The following SMYD3 variants were observed in gnomAD, a reference collection of about 807,000 sequenced individuals.
The protein encoded by SMYD3 is histone-lysine N-methyltransferase SMYD3.
A neutral mutation model predicts 57.7 loss-of-function variants in SMYD3; 36 were observed. The observed-to-expected ratio is 0.62, with a 90% CI of 0.48 to 0.82. The LOEUF (loss-of-function observed/expected upper bound fraction) is 0.82. Among genes scored for constraint, SMYD3 ranks in the 40% least tolerant of loss-of-function variants. The probability of loss-of-function intolerance (pLI) is 0.00; values close to 1 mark genes in which losing one functional copy is unlikely to be tolerated. For missense variants in SMYD3, 515 were observed against 538.8 expected (o/e 0.96, Z 0.44); for synonymous variants, 211 against 195.0 (o/e 1.08, Z -0.68).
At chr1:245,816,743 C>A (rs1180402902) in intron 10 of SMYD3, among the ~76,000 whole-genome samples, 13 of 152,088 alleles carry the variant, frequency 8.5e-5, no homozygotes, top group East Asian at 1.9e-4. Context: ...CGGGAAGCGC[C>A]AGGGGTCAGG....
At chr1:245,877,312 G>T (rs1027405272) in intron 8 of SMYD3, among the ~76,000 whole-genome samples, 2 of 152,236 alleles carry the variant, frequency 1.3e-5, no homozygotes, top group Non-Finnish European at 2.9e-5. Context: ...GGTTCATCGG[G>T]GGAAAGGGGT....
Position 246,030,051 on chromosome 1 carries a change from C to T in SMYD3, c.532-100114G>A, listed in dbSNP as rs191239736. 1.5e-4 allele frequency among the ~76,000 whole-genome samples: 22 copies of T among 148,866 alleles called. No homozygotes were observed. The East Asian group carries it at 2.4e-3, about 16-fold the overall frequency. ...CAAAAGAAAGGAAATCAAAGGGATACGCACACCCCCAATGCGTATTGCAGC... is the reference window on the plus strand; with the variant it reads ...CAAAAGAAAGGAAATCAAAGGGATATGCACACCCCCAATGCGTATTGCAGC... On this transcript the variant is annotated intron_variant, in intron 5 of 11. Transcript: ENST00000490107.
chr1:245,941,104 A>T (rs1268797179), intron 5 of SMYD3, among the ~76,000 whole-genome samples: 1 of 152,212 alleles, frequency 6.6e-6, no homozygotes, highest in Admixed American at 6.5e-5. Context: ...AGACAGGTAG[A>T]CAAGATTAGA....
intron 5 of SMYD3, among the ~76,000 whole-genome samples, chr1:246,104,508 G>A (rs529891612): frequency 3.9e-5 from 6 of 152,162 alleles, no homozygotes; most frequent in Admixed American, 2.6e-4. Context: ...GAGTGGGCTC[G>A]TCTCCTGGGA....
At position 246,129,404 on chromosome 1, in the gene SMYD3, T is replaced by TA. The variant is rs60507407; in HGVS notation, c.531+197796dup. Among the ~76,000 whole-genome samples, 536 of 142,384 alleles carry TA rather than the reference T, an allele frequency of 3.8e-3. 4 individuals are homozygous for TA. Among genetic ancestry groups the TA allele is most frequent in the Middle Eastern group, 0.011 (3 of 274 alleles). The allele number at this position is 142,384 out of a possible 152,430, so 93.4% of individuals were successfully genotyped here. On this transcript the variant is annotated intron_variant, in intron 5 of 11. Transcript: ENST00000490107. ...AAGGAAATTTATTCATCAAATACAG[T>TA]AAAAAAAAAAAAAGTAGAAATTAAG...
intron 5 of SMYD3, among the ~76,000 whole-genome samples, chr1:246,106,637 T>C (rs1465955250): frequency 6.6e-6 from 1 of 152,168 alleles, no homozygotes; most frequent in East Asian, 1.9e-4. Flanking sequence ...TCCGTGGTTA[T>C]GAAAGAAGAA....
At chr1:245,998,129 C>T (rs1157702988) in intron 5 of SMYD3, among the ~76,000 whole-genome samples, 1 of 152,184 alleles carries the variant, frequency 6.6e-6, no homozygotes, top group East Asian at 1.9e-4. Flanking sequence ...CAGGCTGGCT[C>T]CTCTGAGGCT....
intron 7 of SMYD3, among the ~76,000 whole-genome samples, chr1:245,926,699 A>C (rs533489153): frequency 6.6e-6 from 1 of 152,354 alleles, no homozygotes; most frequent in East Asian, 1.9e-4. Context: ...AATTCCAACC[A>C]ACTCTAATTG....
chr1:245,972,754 G>A (rs1558547016), intron 5 of SMYD3, among the ~76,000 whole-genome samples: 1 of 152,210 alleles, frequency 6.6e-6, no homozygotes, highest in Admixed American at 6.5e-5. Context: ...CACTTCTTGT[G>A]AAGGCCTGAG....
chr1:245,806,265 TG>T (rs1225478956), intron 10 of SMYD3, among the ~76,000 whole-genome samples: 3 of 152,248 alleles, frequency 2.0e-5, no homozygotes, highest in Non-Finnish European at 2.9e-5. Flanking sequence ...GAAATGCTGA[TG>T]TTCTATTTCA....
intron 5 of SMYD3, among the ~76,000 whole-genome samples, chr1:246,266,806 A>G (rs1326427368): frequency 7.8e-6 from 1 of 128,556 alleles, no homozygotes; most frequent in Non-Finnish European, 1.7e-5. Flanking sequence ...AAAGAGAGAG[A>G]GAGAAGAGAA....
intron 10 of SMYD3, among the ~76,000 whole-genome samples, chr1:245,818,841 T>C (rs956641858): frequency 2.7e-5 from 4 of 150,572 alleles, no homozygotes; most frequent in African/African-American, 9.9e-5. Flanking sequence ...CAAGAAGAGC[T>C]AACTATCCTA....
chr1:246,099,954 G>A (rs7552244), intron 5 of SMYD3, among the ~76,000 whole-genome samples: 2,182 of 152,260 alleles, frequency 0.014, 56 homozygotes, highest in African/African-American at 0.051. Context: ...TGGAGTGGGC[G>A]ATTTAAAATC....
chr1:246,343,227 G>A (rs1244703168), intron 2 of SMYD3, among the ~76,000 whole-genome samples: 1 of 152,226 alleles, frequency 6.6e-6, no homozygotes, highest in Non-Finnish European at 1.5e-5. Flanking sequence ...AATAAATCAT[G>A]CACTTCCACA....
chr1:246,294,770 T>G (rs2064762405), intron 5 of SMYD3, among the ~76,000 whole-genome samples: 1 of 152,134 alleles, frequency 6.6e-6, no homozygotes, highest in Admixed American at 6.5e-5. Flanking sequence ...AGCTAATTTT[T>G]GTATTTTTAG....
intron 5 of SMYD3, among the ~76,000 whole-genome samples, chr1:246,315,442 A>G (rs928254685): frequency 1.3e-5 from 2 of 152,232 alleles, no homozygotes; most frequent in African/African-American, 4.8e-5. Context: ...GGGCGAGGGA[A>G]GATAAACTAC....
At chr1:246,333,030 A>G (rs906851739) in intron 3 of SMYD3, among the ~76,000 whole-genome samples, 10 of 152,232 alleles carry the variant, frequency 6.6e-5, no homozygotes, top group African/African-American at 2.2e-4. Context: ...TCAAAGAACA[A>G]GTGGACTTTT....
chr1:245,892,473 C>G (rs887222383), intron 8 of SMYD3, among the ~76,000 whole-genome samples: 4 of 152,182 alleles, frequency 2.6e-5, no homozygotes, highest in African/African-American at 9.7e-5. Context: ...TGGTCAACAG[C>G]AGAAACCAGA....
chr1:245,988,975 C>A (rs2058759213), intron 5 of SMYD3, among the ~76,000 whole-genome samples: 1 of 152,218 alleles, frequency 6.6e-6, no homozygotes, highest in South Asian at 2.1e-4. Flanking sequence ...GATCTGTGAA[C>A]CAATAAATTC....
Sources: allele counts gnomAD v4.1 joint callset (sites outside exome capture counted in the v4.1 genomes callset), GRCh38; gene constraint gnomAD v4.1.1; transcripts MANE v1.5; gene names NCBI Gene and HGNC (gene_info 2026-07-23, HGNC 2026-07-21).